RTF2: variants seen among roughly 807,000 people sequenced by gnomAD.
The protein encoded by RTF2 is UPF0549 protein C20orf43.
In RTF2, 18 loss-of-function variants were observed where a neutral mutation model predicts 38.0. That is an observed-to-expected ratio of 0.47 (90% CI 0.33 to 0.70). The LOEUF is 0.70. Ranked by LOEUF, RTF2 falls within the 30% of genes least tolerant of loss-of-function variation. The probability of loss-of-function intolerance (pLI) is 0.02; values close to 1 mark genes in which losing one functional copy is unlikely to be tolerated. For missense variants in RTF2, 311 were observed against 379.6 expected, an observed-to-expected ratio of 0.82 and a Z score of 1.50; for synonymous variants, 126 against 137.1, an observed-to-expected ratio of 0.92 and a Z score of 0.57.
chr20:56,476,987 T>C lies in RTF2; in HGVS notation c.261T>C (p.Asn87=). Reference sequence around the variant, plus strand: ...AAAATATTAATGGTTTTTCCCAGAATGTGACAGAGCTGAAGCTTTCTGATA... The same window carrying C: ...AAAATATTAATGGTTTTTCCCAGAACGTGACAGAGCTGAAGCTTTCTGATA... ...KAASHIKSIK[N]VTELKLSDNP... is the part of the protein sequence containing the mutation. Residue 87 remains asparagine, a splice_region_variant and synonymous_variant, in exon 4 of 9, where the codon AAT becomes AAC. Coordinates refer to ENST00000357348, the MANE Select transcript of RTF2 (RefSeq NM_016407.5). 1.9e-6 allele frequency: 3 copies of C among 1,613,920 alleles called. No individual in the cohort carries two copies. The highest frequency in any genetic ancestry group is 1.7e-6 in the Non-Finnish European group (2 of 1,179,862).
rs2146385187 is a variant in RTF2 at position 56,517,008 on chromosome 20, TC to T, written c.646+21del. ...AGTGAAGGTAAGATCCTTCAAGAGATCCTTATTTTAGCAAAATGCGACTCTA... is the reference window on the plus strand; with the variant it reads ...AGTGAAGGTAAGATCCTTCAAGAGATCTTATTTTAGCAAAATGCGACTCTA... On this transcript the variant is annotated intron_variant, in intron 7 of 8. Coordinates refer to ENST00000357348, the MANE Select transcript of RTF2 (RefSeq NM_016407.5). 1 of 1,612,912 alleles carries T rather than the reference TC, an allele frequency of 6.2e-7. No homozygotes were observed. The highest frequency in any genetic ancestry group is 2.2e-5 in the East Asian group (1 of 44,884).
At chr20:56,485,692 G>C (rs963676770) in intron 5 of RTF2, among the ~76,000 whole-genome samples, 1 of 152,200 alleles carries the variant, frequency 6.6e-6, no homozygotes, top group African/African-American at 2.4e-5. Flanking sequence ...TTTAAGAAAA[G>C]AAATTCAAAT....
At chr20:56,489,951 G>A (rs538206263) in intron 5 of RTF2, among the ~76,000 whole-genome samples, 2 of 152,342 alleles carry the variant, frequency 1.3e-5, no homozygotes, top group South Asian at 2.1e-4. Context: ...TGGGAAGGTG[G>A]TGGTGGGCTG....
intron 4 of RTF2, among the ~76,000 whole-genome samples, chr20:56,477,862 T>C (rs1982336704): frequency 6.6e-6 from 1 of 152,204 alleles, no homozygotes; most frequent in Non-Finnish European, 1.5e-5. Context: ...GGTTAATCAG[T>C]CAACCAAAGG....
chr20:56,495,519 A>C (rs750931099), intron 5 of RTF2, among the ~76,000 whole-genome samples: 52 of 152,180 alleles, frequency 3.4e-4, no homozygotes, highest in Non-Finnish European at 6.0e-4. Context: ...AGTAGCATCC[A>C]GGTGGACCAA....
At position 56,517,972 on chromosome 20, in the gene RTF2, C is replaced by T. The variant is rs1248783945; in HGVS notation, c.743-115C>T. 5.8e-6 allele frequency: 6 copies of T among 1,035,036 alleles called. No individual in the cohort carries two copies. The East Asian group carries it at 1.2e-4, about 21-fold the overall frequency. The allele number at this position is 1,035,036 out of a possible 1,614,324, so 64.1% of individuals were successfully genotyped here. Reference sequence around the variant, plus strand: ...AAGATGACGTCCGCCAGCACTCACACAGCCAGCAAGAGAACGTCTGGGACA... The same window carrying T: ...AAGATGACGTCCGCCAGCACTCACATAGCCAGCAAGAGAACGTCTGGGACA... On this transcript the variant is annotated intron_variant, in intron 8 of 8. Transcript: ENST00000357348.
rs139746345 is a variant in RTF2, at chr20:56,518,089, A to G, written c.745A>G (p.Met249Val). ...KTNLAPKSTA[M>V]NESSSGKAGK... ...GTTTTGGCTCTTCATTTTTCTAGCA[A>G]TGAATGAGAGCTCTTCTGGAAAAGC... The change falls in exon 9 of 9, where the codon ATG becomes GTG. Residue 249 changes from methionine (M) to valine (V), a missense_variant and splice_region_variant. Met to Val is a conservative substitution (Grantham distance 21). Coordinates refer to ENST00000357348, the MANE Select transcript of RTF2 (RefSeq NM_016407.5). 2.5e-6 allele frequency: 4 copies of G among 1,605,072 alleles called. No individual in the cohort carries two copies. Among genetic ancestry groups the G allele is most frequent in the African/African-American group, 1.3e-5 (1 of 74,190 alleles).
At chr20:56,514,400 TG>T (rs1176253977) in intron 6 of RTF2, 1 of 151,886 alleles carries the variant, frequency 6.6e-6, no homozygotes, top group African/African-American at 2.4e-5. Flanking sequence ...AAACTTTATG[TG>T]ATCAGAACTA....
chr20:56,470,550 A>G (rs1367626901), intron 1 of RTF2: 1 of 455,718 alleles, frequency 2.2e-6, no homozygotes, highest in African/African-American at 2.0e-5. Flanking sequence ...CAGAGCACCT[A>G]AATTCCTTGT....
chr20:56,505,911 G>A (rs908209962), intron 5 of RTF2, among the ~76,000 whole-genome samples: 3 of 152,050 alleles, frequency 2.0e-5, no homozygotes, highest in Non-Finnish European at 4.4e-5. Flanking sequence ...TACAAAACAG[G>A]TGTCGTGAAT....
Position 56,476,136 on chromosome 20 carries a change from G to A in RTF2, c.259-849G>A, listed in dbSNP as rs541189771. ...ATTCCTTATAAAGTTGGGAATTCTT[G>A]AAAACCTGAATAGCTGTGTCTTGGA... On this transcript the variant is annotated intron_variant, in intron 3 of 8. Coordinates refer to ENST00000357348, the MANE Select transcript of RTF2 (RefSeq NM_016407.5). Among the ~76,000 whole-genome samples the A allele has an allele frequency of 2.6e-5, 4 of 152,298 alleles. No homozygotes were observed. The South Asian group carries it at 8.3e-4, about 32-fold the overall frequency.
At chr20:56,498,574 T>C (rs1983712313) in intron 5 of RTF2, among the ~76,000 whole-genome samples, 1 of 152,148 alleles carries the variant, frequency 6.6e-6, no homozygotes, top group South Asian at 2.1e-4. Flanking sequence ...CTAATAACAT[T>C]ATTTGATAAT....
At chr20:56,500,532 C>A (rs150639871) in intron 5 of RTF2, among the ~76,000 whole-genome samples, 1 of 152,288 alleles carries the variant, frequency 6.6e-6, no homozygotes, top group East Asian at 1.9e-4. Flanking sequence ...CCAAGGGTAG[C>A]CATTGTCCTT....
intron 4 of RTF2, among the ~76,000 whole-genome samples, chr20:56,480,513 T>A (rs1031922176): frequency 6.6e-6 from 1 of 152,246 alleles, no homozygotes; most frequent in Non-Finnish European, 1.5e-5. Flanking sequence ...AGTGGCACTT[T>A]TAATTTCCTT....
intron 6 of RTF2, 87 bp downstream of exon 6, chr20:56,513,515 G>A (rs1984830752): frequency 6.6e-7 from 1 of 1,515,248 alleles, no homozygotes; most frequent in African/African-American, 1.4e-5. Flanking sequence ...CAGCTGCTTA[G>A]GGGTTTGCAT....
intron 1 of RTF2, chr20:56,470,501 T>G (rs896595691): frequency 6.8e-6 from 3 of 442,468 alleles, no homozygotes; most frequent in African/African-American, 6.0e-5. Context: ...GAGCTTACAT[T>G]TCGGATCAAT....
At position 56,518,434 on chromosome 20, in the gene RTF2, C is replaced by A. The variant is rs1372101335; in HGVS notation, c.*169C>A. On this transcript the variant is annotated 3_prime_UTR_variant, in exon 9 of 9. Coordinates refer to ENST00000357348, the MANE Select transcript of RTF2 (RefSeq NM_016407.5). ...TGGCCACTCTTGATGTGAGGCGTGT[C>A]GGTTCCAGGGGGGACATGGGAGGGG... is the stretch of plus-strand genomic sequence containing the variant. 3.3e-6 allele frequency: 2 copies of A among 610,862 alleles called. No homozygotes were observed. Among genetic ancestry groups the A allele is most frequent in the Non-Finnish European group, 5.4e-6 (2 of 373,098 alleles). 37.8% of individuals were successfully genotyped at this position (610,862 alleles called of 1,614,324 possible). A position where few individuals can be genotyped will look rare whatever the true frequency, so the allele number is the denominator to read the frequency against.
At chr20:56,490,255 C>A (rs142803264) in intron 5 of RTF2, among the ~76,000 whole-genome samples, 62 of 152,348 alleles carry the variant, frequency 4.1e-4, no homozygotes, top group African/African-American at 1.4e-3. Context: ...TTAATTTCCT[C>A]TCCTCTGGTT....
At chr20:56,478,769 C>A (rs1193304306) in intron 4 of RTF2, among the ~76,000 whole-genome samples, 1 of 152,156 alleles carries the variant, frequency 6.6e-6, no homozygotes, top group Non-Finnish European at 1.5e-5. Flanking sequence ...CATTGATTGA[C>A]TCTTTCATGA....
Sources: allele counts gnomAD v4.1 joint callset (sites outside exome capture counted in the v4.1 genomes callset), GRCh38; gene constraint gnomAD v4.1.1; transcripts MANE v1.5; gene names NCBI Gene and HGNC (gene_info 2026-07-23, HGNC 2026-07-21).